Variants in MALRD1 observed in about 807,000 individuals in gnomAD.
The protein encoded by MALRD1 is MAM and LDL receptor class A domain containing 1, also known as MAM and LDL-receptor class A domain-containing protein 1.
MALRD1 carries 247 observed loss-of-function variants against 242.1 expected under a neutral mutation model. The observed-to-expected ratio is 1.02, with a 90% CI of 0.92 to 1.13. The LOEUF (loss-of-function observed/expected upper bound fraction) is 1.13. Ranked by LOEUF, MALRD1 falls within the 50% of genes most tolerant of loss-of-function variation. The pLI is 0.00. For missense variants in MALRD1, 2,989 were observed against 2,533.1 expected (o/e 1.18, Z -3.86); for synonymous variants, 995 against 866.6 (o/e 1.15, Z -2.60).
At chr10:19,231,675 C>G (rs192205350) in intron 18 of MALRD1, among the ~76,000 whole-genome samples, 75 of 152,156 alleles carry the variant, frequency 4.9e-4, no homozygotes, top group Middle Eastern at 3.4e-3. Context: ...TGCCTTCTGC[C>G]GTGACTGTGA....
intron 19 of MALRD1, among the ~76,000 whole-genome samples, chr10:19,276,656 C>G (rs886452626): frequency 1.3e-5 from 2 of 152,034 alleles, no homozygotes; most frequent in Non-Finnish European, 2.9e-5. Flanking sequence ...TAAAATGATT[C>G]CCTTTTTAAT....
chr10:19,224,800 A>G (rs1837719525), intron 18 of MALRD1, among the ~76,000 whole-genome samples: 1 of 152,172 alleles, frequency 6.6e-6, no homozygotes, highest in Non-Finnish European at 1.5e-5. Flanking sequence ...GTTCACTCCG[A>G]TGATAGTGTC....
chr10:19,358,176 G>A (rs1196039726), intron 26 of MALRD1, among the ~76,000 whole-genome samples: 1 of 143,488 alleles, frequency 7.0e-6, no homozygotes, highest in Non-Finnish European at 1.5e-5. Flanking sequence ...CTATATATAT[G>A]CAATCAGGGC....
intron 36 of MALRD1, among the ~76,000 whole-genome samples, chr10:19,679,875 T>C (rs1248858203): frequency 6.6e-6 from 1 of 152,080 alleles, no homozygotes; most frequent in Non-Finnish European, 1.5e-5. Context: ...TGGTTTCAAA[T>C]AACTTCATTT....
Position 19,051,240 on chromosome 10 carries a change from T to C in MALRD1, c.199+2103T>C, listed in dbSNP as rs530231044. 9.2e-5 allele frequency among the ~76,000 whole-genome samples: 14 copies of C among 152,180 alleles called. 1 individual carries two copies. The South Asian group carries it at 2.9e-3, about 32-fold the overall frequency. On this transcript the variant is annotated intron_variant, in intron 1 of 39. Transcript: ENST00000454679. ...TGGAAACTTGTGATGGCTAAACTTATAGATTAGATTTTTTTAAAACTAGCT... is the reference window on the plus strand; with the variant it reads ...TGGAAACTTGTGATGGCTAAACTTACAGATTAGATTTTTTTAAAACTAGCT...
At chr10:19,562,032 C>T (rs1835990255) in intron 32 of MALRD1, among the ~76,000 whole-genome samples, 3 of 152,176 alleles carry the variant, frequency 2.0e-5, no homozygotes, top group South Asian at 2.1e-4. Context: ...GGCGCAGTGG[C>T]TTACCCCTTA....
chr10:19,367,348 T>C (rs1490670630), intron 26 of MALRD1, among the ~76,000 whole-genome samples: 2 of 152,160 alleles, frequency 1.3e-5, no homozygotes, highest in Non-Finnish European at 2.9e-5. Flanking sequence ...CTTCTACATA[T>C]GAGTGAGAAC....
intron 28 of MALRD1, among the ~76,000 whole-genome samples, chr10:19,443,681 T>A (rs925232763): frequency 5.3e-5 from 8 of 152,276 alleles, no homozygotes; most frequent in Admixed American, 1.3e-4. Flanking sequence ...CTGTGGTCTG[T>A]GAGACAGTTT....
At chr10:19,513,724 G>C (rs1379546140) in intron 31 of MALRD1, among the ~76,000 whole-genome samples, 1 of 150,098 alleles carries the variant, frequency 6.7e-6, no homozygotes, top group Non-Finnish European at 1.5e-5. Flanking sequence ...GGGTGAAAGA[G>C]CAAGACTCCA....
intron 1 of MALRD1, among the ~76,000 whole-genome samples, chr10:19,055,798 G>C (rs530079566): frequency 6.6e-6 from 1 of 152,252 alleles, no homozygotes; most frequent in African/African-American, 2.4e-5. Flanking sequence ...GCTAAACATG[G>C]AATACATATG....
chr10:19,376,742 G>A lies in MALRD1; in HGVS notation c.4442-10786G>A, dbSNP rs1021519752. On this transcript the variant is annotated intron_variant, in intron 26 of 39. Transcript: ENST00000454679. ...GCTAATTTTGTATTTTATTAGAGAC[G>A]GGGTTTCCCCATCTTTATTAGAGAC... Among the ~76,000 whole-genome samples, 61 of 151,532 alleles carry A rather than the reference G, an allele frequency of 4.0e-4. 1 individual carries two copies. Among genetic ancestry groups the A allele is most frequent in the African/African-American group, 1.3e-3 (55 of 41,340 alleles).
intron 20 of MALRD1, 115 bp from the exon 21 acceptor site, chr10:19,282,904 A>G (rs995241611): frequency 1.1e-5 from 8 of 706,564 alleles, no homozygotes; most frequent in African/African-American, 1.1e-4. Context: ...TATTTTAATA[A>G]TGTTTAAAAG....
At chr10:19,707,230 T>G (rs1833908028) in intron 38 of MALRD1, among the ~76,000 whole-genome samples, 4 of 151,600 alleles carry the variant, frequency 2.6e-5, no homozygotes, top group Admixed American at 2.6e-4. Context: ...CTTCTCCTTC[T>G]CCTCCTTCTC....
At chr10:19,729,592 C>CGT (rs113756414) in intron 38 of MALRD1, among the ~76,000 whole-genome samples, 6,371 of 144,240 alleles carry the variant, frequency 0.044, 153 homozygotes, top group Middle Eastern at 0.093. Context: ...AGGATCCTTT[C>CGT]GTGTGTGTGT....
intron 21 of MALRD1, among the ~76,000 whole-genome samples, chr10:19,310,705 C>A (rs1430511223): frequency 6.6e-6 from 1 of 151,458 alleles, no homozygotes; most frequent in Non-Finnish European, 1.5e-5. Context: ...TGCAATTAAT[C>A]CATCTGTTCT....
At chr10:19,661,534 G>A (rs1018425217) in intron 36 of MALRD1, among the ~76,000 whole-genome samples, 1 of 152,038 alleles carries the variant, frequency 6.6e-6, no homozygotes, top group African/African-American at 2.4e-5. Flanking sequence ...CTGTCACAAG[G>A]ACAAAAAACC....
At chr10:19,209,175 C>G (rs1246209730) in intron 17 of MALRD1, 93 bp from the exon 18 acceptor site, 32 of 1,175,762 alleles carry the variant, frequency 2.7e-5, no homozygotes, top group Non-Finnish European at 3.5e-5. Context: ...AGCAAAGTAT[C>G]AACTAGCATT....
chr10:19,525,774 A>G (rs952870367), intron 31 of MALRD1, among the ~76,000 whole-genome samples: 9 of 152,332 alleles, frequency 5.9e-5, no homozygotes, highest in East Asian at 1.9e-4. Flanking sequence ...TAATGAATAC[A>G]ATATTCCAGA....
At chr10:19,347,607 T>C (rs1156320313) in intron 24 of MALRD1, among the ~76,000 whole-genome samples, 164 bp from the exon 25 acceptor site, 1 of 152,182 alleles carries the variant, frequency 6.6e-6, no homozygotes, top group Non-Finnish European at 1.5e-5. Flanking sequence ...AATAGCTGTG[T>C]GTATCGCAAA....
Sources: gnomAD v4.1 joint callset for allele counts (sites outside exome capture counted in the v4.1 genomes callset) on GRCh38, gnomAD v4.1.1 for gene constraint, MANE v1.5 for transcripts, NCBI Gene and HGNC (gene_info 2026-07-23, HGNC 2026-07-21) for gene names.